NSMAF: variants seen among roughly 807,000 people sequenced by gnomAD.
NSMAF encodes the protein protein FAN.
NSMAF carries 90 observed loss-of-function variants against 134.9 expected under a neutral mutation model. The observed-to-expected ratio is 0.67, with a 90% confidence interval of 0.56 to 0.79. The LOEUF (loss-of-function observed/expected upper bound fraction) is 0.79, where lower values mean the gene tolerates loss of function less well. Among genes scored for constraint, NSMAF ranks in the 30% least tolerant of loss-of-function variants. NSMAF has a pLI of 0.00. For synonymous variants in NSMAF, 358 were observed against 389.6 expected (o/e 0.92, Z 0.96); for missense variants, 1,010 against 1,119.0 (o/e 0.90, Z 1.39).
At chr8:58,623,036 A>G in intron 9 of NSMAF, among the ~76,000 whole-genome samples, 184 bp downstream of exon 9, 1 of 152,172 alleles carries the variant, frequency 6.6e-6, no homozygotes, top group East Asian at 1.9e-4. Flanking sequence ...ACTGACAGAC[A>G]TCAGGATGGA....
Position 58,611,579 on chromosome 8 carries a change from G to C in NSMAF, c.558-1846C>G, listed in dbSNP as rs575170737. 7.9e-5 allele frequency among the ~76,000 whole-genome samples: 12 copies of C among 152,138 alleles called. No homozygotes were observed. In the South Asian group the frequency reaches 1.9e-3, roughly 24 times the overall value. On this transcript the variant is annotated intron_variant, in intron 9 of 30. Coordinates refer to ENST00000038176, the MANE Select transcript of NSMAF (RefSeq NM_003580.4). Reference sequence around the variant, plus strand: ...AAGACAGAGTTTCAGCAGAGAAATAGAAACTATGAAAAAGAACCAAACGGA... The same window carrying C: ...AAGACAGAGTTTCAGCAGAGAAATACAAACTATGAAAAAGAACCAAACGGA...
intron 7 of NSMAF, 79 bp downstream of exon 7, chr8:58,623,630 T>C: frequency 8.0e-7 from 1 of 1,244,676 alleles, no homozygotes; most frequent in South Asian, 1.3e-5. Context: ...ATGATTTGGG[T>C]AAGGTATATA....
rs779416764 is a variant in NSMAF, at chr8:58,623,820, G to A, written c.385-40C>T. On this transcript the variant is annotated intron_variant, in intron 6 of 30. Transcript: ENST00000038176. ...AAGATATCAAAATACAGGAAGAGAA[G>A]AAGTGTGCCAAACTATGCTACTTTA... is the stretch of plus-strand genomic sequence containing the variant. 1.8e-5 allele frequency: 27 copies of A among 1,511,720 alleles called. 1 individual carries two copies. The highest frequency in any genetic ancestry group is 2.3e-5 in the Non-Finnish European group (25 of 1,087,302). The allele number at this position is 1,511,720 out of a possible 1,614,324, so 93.6% of individuals were successfully genotyped here. A position where few individuals can be genotyped will look rare whatever the true frequency, so the allele number is the denominator to read the frequency against.
Position 58,635,193 on chromosome 8 carries a change from C to G in NSMAF, c.329G>C (p.Ser110Thr), listed in dbSNP as rs759670131. 3.2e-5 allele frequency: 52 copies of G among 1,608,758 alleles called. No homozygotes were observed. Among genetic ancestry groups the G allele is most frequent in the Non-Finnish European group, 4.3e-5 (50 of 1,175,888 alleles). ...AAATATTTATTATGTGCTTACCTGA[C>G]TGAAAATGAGTGAAATACCCCCAGA... ...AKSGGISLIFSQVYFIKEHNV... is the reference protein window; with the variant it reads ...AKSGGISLIFTQVYFIKEHNV... Residue 110 changes from serine (S) to threonine (T), a missense_variant, in exon 5 of 31, where the codon AGT becomes ACT. Coordinates refer to ENST00000038176, the MANE Select transcript of NSMAF (RefSeq NM_003580.4).
At chr8:58,614,379 C>T (rs1242531631) in intron 9 of NSMAF, among the ~76,000 whole-genome samples, 1 of 152,154 alleles carries the variant, frequency 6.6e-6, no homozygotes, top group East Asian at 1.9e-4. Flanking sequence ...CTAGTGACTT[C>T]AAGTATTGTT....
At chr8:58,615,551 A>G (rs1258604605) in intron 9 of NSMAF, among the ~76,000 whole-genome samples, 1 of 152,238 alleles carries the variant, frequency 6.6e-6, no homozygotes, top group Non-Finnish European at 1.5e-5. Context: ...ATTTCCAAAT[A>G]TGTGGAAGTT....
In NSMAF at chr8:58,632,450, C is replaced by T. The variant is rs572142749; in HGVS notation, c.334-904G>A. On this transcript the variant is annotated intron_variant, in intron 5 of 30. Coordinates refer to ENST00000038176, the MANE Select transcript of NSMAF (RefSeq NM_003580.4). ...CAATTCTTAAGTCTTCCTTGACTCT[C>T]CTTCTCAGAGCATGTGACAGAGCTG... is the stretch of plus-strand genomic sequence containing the variant. 3.5e-4 allele frequency among the ~76,000 whole-genome samples: 53 copies of T among 152,294 alleles called. No individual in the cohort carries two copies. In the South Asian group the frequency reaches 0.01, roughly 30 times the overall value.
chr8:58,626,414 C>T (rs1285084356), intron 6 of NSMAF, among the ~76,000 whole-genome samples: 1 of 152,112 alleles, frequency 6.6e-6, no homozygotes, highest in Non-Finnish European at 1.5e-5. Context: ...ATTCTTATGT[C>T]TTTGCATTCT....
At chr8:58,637,079 C>T (rs930865925) in intron 2 of NSMAF, among the ~76,000 whole-genome samples, 32 of 152,076 alleles carry the variant, frequency 2.1e-4, no homozygotes, top group African/African-American at 7.5e-4. Flanking sequence ...ATTACGTACT[C>T]ATGAATTTTA....
Position 58,659,680 on chromosome 8 carries a change from C to T in NSMAF, c.-49G>A, listed in dbSNP as rs1006998570. The T allele has an allele frequency of 6.0e-6, 8 of 1,336,416 alleles. No individual in the cohort carries two copies. The highest frequency in any genetic ancestry group is 7.7e-6 in the Non-Finnish European group (8 of 1,036,816). 82.8% of individuals were successfully genotyped at this position (1,336,416 alleles called of 1,614,324 possible). A position where few individuals can be genotyped will look rare whatever the true frequency, so the allele number is the denominator to read the frequency against. On this transcript the variant is annotated 5_prime_UTR_variant, in exon 1 of 31. Coordinates refer to ENST00000038176, the MANE Select transcript of NSMAF (RefSeq NM_003580.4). ...AGAGCGCACAGGCAGGCCCCGCCGCCGCCTGCCGAGGAGGTCCGGAGGAGC... is the reference window on the plus strand; with the variant it reads ...AGAGCGCACAGGCAGGCCCCGCCGCTGCCTGCCGAGGAGGTCCGGAGGAGC...
chr8:58,656,687 G>A (rs574165844), intron 1 of NSMAF, among the ~76,000 whole-genome samples: 5 of 151,968 alleles, frequency 3.3e-5, no homozygotes, highest in South Asian at 4.2e-4. Flanking sequence ...AAAATTAGCC[G>A]GGCGTGGTGA....
At chr8:58,626,513 C>T (rs1204910574) in intron 6 of NSMAF, among the ~76,000 whole-genome samples, 1 of 152,170 alleles carries the variant, frequency 6.6e-6, no homozygotes, top group Non-Finnish European at 1.5e-5. Flanking sequence ...TGGCCTTTAG[C>T]TCCATCCAAG....
chr8:58,604,270 A>T (rs1806351124), intron 12 of NSMAF, among the ~76,000 whole-genome samples: 1 of 152,090 alleles, frequency 6.6e-6, no homozygotes, highest in Non-Finnish European at 1.5e-5. Flanking sequence ...TTAGGAATAA[A>T]CTCAGTGAGA....
At chr8:58,629,396 C>G (rs563096078) in intron 6 of NSMAF, among the ~76,000 whole-genome samples, 1 of 142,022 alleles carries the variant, frequency 7.0e-6, no homozygotes, top group East Asian at 2.1e-4. Flanking sequence ...TATATTTTCT[C>G]TTTGTTAATA....
At chr8:58,588,517 A>G (rs918265456) in intron 26 of NSMAF, 1 of 1,217,442 alleles carries the variant, frequency 8.2e-7, no homozygotes, top group Non-Finnish European at 1.2e-6. Context: ...ATTCCTGACT[A>G]CTTTGCTGTG....
rs1175890318 is a variant in NSMAF at position 58,623,280 on chromosome 8, A to C, written c.505-8T>G. The C allele has an allele frequency of 6.2e-7, 1 of 1,605,878 alleles. No individual in the cohort carries two copies. Among genetic ancestry groups the C allele is most frequent in the Non-Finnish European group, 8.5e-7 (1 of 1,176,238 alleles). On this transcript the variant is annotated splice_polypyrimidine_tract_variant and splice_region_variant and intron_variant, in intron 8 of 30. Coordinates refer to ENST00000038176, the MANE Select transcript of NSMAF (RefSeq NM_003580.4). ...CTGCAAAATAGCTGTTATCTATTAAAACAGAACCAGAAAAAAAGTATTTAT... is the reference window on the plus strand; with the variant it reads ...CTGCAAAATAGCTGTTATCTATTAACACAGAACCAGAAAAAAAGTATTTAT...
intron 6 of NSMAF, among the ~76,000 whole-genome samples, chr8:58,630,555 G>A (rs1807036082): frequency 6.6e-6 from 1 of 152,146 alleles, no homozygotes; most frequent in African/African-American, 2.4e-5. Context: ...TTTTGTCAAT[G>A]TGTGGAGGTG....
chr8:58,623,928 G>A (rs1806852568), intron 6 of NSMAF, 148 bp from the exon 7 acceptor site: 1 of 631,346 alleles, frequency 1.6e-6, no homozygotes, highest in Non-Finnish European at 2.8e-6. Context: ...GAGTTCTAGG[G>A]GAGCAAGTCT....
chr8:58,589,700 G>T, intron 25 of NSMAF, 125 bp from the exon 26 acceptor site: 1 of 928,018 alleles, frequency 1.1e-6, no homozygotes, highest in Non-Finnish European at 1.5e-6. Flanking sequence ...ATTACAAATT[G>T]CTTGTTCTCA....
Sources: gnomAD v4.1 joint callset for allele counts (sites outside exome capture counted in the v4.1 genomes callset) on GRCh38, gnomAD v4.1.1 for gene constraint, MANE v1.5 for transcripts, NCBI Gene and HGNC (gene_info 2026-07-23, HGNC 2026-07-21) for gene names.